The following NDUFAF6 variants were observed in gnomAD, a reference collection of about 807,000 sequenced individuals.
NDUFAF6 encodes NADH dehydrogenase (ubiquinone) complex I, assembly factor 6.
NDUFAF6 carries 45 observed loss-of-function variants against 40.8 expected under a neutral mutation model. That is an observed-to-expected ratio of 1.10 (90% CI 0.87 to 1.42). The LOEUF is 1.42. NDUFAF6 is among the 40% of genes most tolerant of loss of function. NDUFAF6 has a pLI of 0.00. For synonymous variants in NDUFAF6, 185 were observed against 155.9 expected (o/e 1.19, Z -1.39); for missense variants, 435 against 418.5 (o/e 1.04, Z -0.34).
chr8:94,941,018 A>G (rs1433351949), intron 1 of NDUFAF6: 3 of 1,084,678 alleles, frequency 2.8e-6, no homozygotes, highest in Admixed American at 1.9e-5. Context: ...AGTTGGCCCA[A>G]TGGTACCGAC....
At chr8:94,979,543 A>G (rs1586880910) in intron 1 of NDUFAF6, among the ~76,000 whole-genome samples, 1 of 152,178 alleles carries the variant, frequency 6.6e-6, no homozygotes, top group African/African-American at 2.4e-5. Context: ...AGTTTAGTCC[A>G]CATTCCTGAA....
chr8:95,045,987 ATAG>A (rs1485752414), intron 5 of NDUFAF6, among the ~76,000 whole-genome samples: 1 of 152,114 alleles, frequency 6.6e-6, no homozygotes, highest in Non-Finnish European at 1.5e-5. Flanking sequence ...TTTCGTGTTA[ATAG>A]TACTTATCCA....
intron 1 of NDUFAF6, chr8:94,927,577 TATAAATGC>T (rs1820004765): frequency 6.6e-6 from 1 of 152,160 alleles, no homozygotes; most frequent in Non-Finnish European, 1.5e-5. Context: ...CAATCAACCA[TATAAATGC>T]ATTGCCACAG....
upstream of NDUFAF6, among the ~76,000 whole-genome samples, chr8:94,953,521 G>C (rs1236741110): frequency 6.6e-6 from 1 of 152,220 alleles, no homozygotes; most frequent in Admixed American, 6.5e-5. Context: ...TCTTGGGGCG[G>C]TTGTCAGAGA....
In NDUFAF6 at chr8:95,025,044, G is replaced by A. The variant is rs988849191; in HGVS notation, c.36G>A (p.Pro12=). The A allele has an allele frequency of 4.2e-6, 6 of 1,416,842 alleles. No individual in the cohort carries two copies. In the African/African-American group the frequency reaches 7.5e-5, roughly 18 times the overall value. 87.8% of individuals were successfully genotyped at this position (1,416,842 alleles called of 1,614,324 possible). A position where few individuals can be genotyped will look rare whatever the true frequency, so the allele number is the denominator to read the frequency against. Residue 12 remains proline, a synonymous_variant, in exon 1 of 9, where the codon CCG becomes CCA. Coordinates refer to ENST00000396124, the MANE Select transcript of NDUFAF6 (RefSeq NM_152416.4). ...CCGCGCACGGCTCTGTCTGGGGGCC[G>A]TTGCGGCTTGGCATCCCCGGCCTGT... The part of the protein sequence containing the change: ...AASAHGSVWG[P]LRLGIPGLCC...
intron 2 of NDUFAF6, among the ~76,000 whole-genome samples, chr8:94,999,454 G>A (rs1354900086): frequency 6.6e-6 from 1 of 150,380 alleles, no homozygotes; most frequent in African/African-American, 2.5e-5. Flanking sequence ...GTCTTGCTCT[G>A]TTACCCAGGC....
At chr8:94,977,928 G>C (rs1825106870) in intron 1 of NDUFAF6, among the ~76,000 whole-genome samples, 1 of 152,124 alleles carries the variant, frequency 6.6e-6, no homozygotes, top group Non-Finnish European at 1.5e-5. Context: ...CCCAGTCCCT[G>C]GCACAGAGCT....
chr8:95,058,243 G>T lies in NDUFAF6; in HGVS notation c.*306G>T. 7.5e-7 allele frequency: 1 copy of T among 1,324,558 alleles called. No individual in the cohort carries two copies. Among genetic ancestry groups the T allele is most frequent in the Non-Finnish European group, 9.6e-7 (1 of 1,043,086 alleles). The allele number at this position is 1,324,558 out of a possible 1,614,324, so 82.1% of individuals were successfully genotyped here. On this transcript the variant is annotated 3_prime_UTR_variant, in exon 9 of 9. Transcript: ENST00000396124. ...TAGGCCATAAGCCACACTTGAGCCA[G>T]TGGGCAGGGAGAAGGAATGTCATTC... is the stretch of plus-strand genomic sequence containing the variant.
intron 1 of NDUFAF6, among the ~76,000 whole-genome samples, chr8:94,959,878 C>T (rs568552851): frequency 1.3e-5 from 2 of 152,248 alleles, no homozygotes; most frequent in South Asian, 4.2e-4. Flanking sequence ...TTTGGGTCCC[C>T]CCCAGTTTCG....
chr8:95,013,627 G>A (rs1312963214), intron 2 of NDUFAF6, among the ~76,000 whole-genome samples: 6 of 152,316 alleles, frequency 3.9e-5, no homozygotes, highest in East Asian at 1.9e-4. Flanking sequence ...TTTAAGTGCC[G>A]TGGGTATAAC....
At chr8:95,082,806 C>T (rs905878725) in intron 2 of NDUFAF6, among the ~76,000 whole-genome samples, 2 of 152,028 alleles carry the variant, frequency 1.3e-5, no homozygotes, top group African/African-American at 4.8e-5. Flanking sequence ...ACTACAGGCG[C>T]CCGCCACTAC....
At chr8:95,074,206 G>C (rs1004805074) in intron 9 of NDUFAF6, among the ~76,000 whole-genome samples, 5 of 151,448 alleles carry the variant, frequency 3.3e-5, no homozygotes, top group African/African-American at 1.2e-4. Context: ...CTATAATAAG[G>C]TTTTAAAAAG....
intron 1 of NDUFAF6, among the ~76,000 whole-genome samples, chr8:94,918,299 C>A (rs1027466773): frequency 6.6e-6 from 1 of 152,102 alleles, no homozygotes; most frequent in African/African-American, 2.4e-5. Flanking sequence ...AAGCAGAGAA[C>A]CCTGGCCTGC....
intron 1 of NDUFAF6, among the ~76,000 whole-genome samples, chr8:94,902,361 G>C (rs1214078046): frequency 6.6e-6 from 1 of 151,270 alleles, no homozygotes; most frequent in Non-Finnish European, 1.5e-5. Flanking sequence ...GGACATTGCA[G>C]TGAGCCCAGA....
chr8:95,048,314 G>A lies in NDUFAF6; in HGVS notation c.715-143G>A, dbSNP rs183644496. On this transcript the variant is annotated intron_variant, in intron 6 of 8. Transcript: ENST00000396124. ...CACATACATTTCTAAAGACAAAATA[G>A]GCATTAAACTGTACATACTGTTCTG... is the stretch of plus-strand genomic sequence containing the variant. The A allele has an allele frequency of 2.8e-3, 1,925 of 677,578 alleles. 63 individuals carry two copies. In the Admixed American group the frequency reaches 0.04, roughly 14 times the overall value. The allele number at this position is 677,578 out of a possible 1,614,324, so 42.0% of individuals were successfully genotyped here.
At position 95,035,461 on chromosome 8, in the gene NDUFAF6, ACT is replaced by A. The variant is rs863223931; in HGVS notation, c.307_308del (p.Val104LeufsTer2). 4 of 1,613,796 alleles carry A rather than the reference ACT, an allele frequency of 2.5e-6. No homozygotes were observed. The highest frequency in any genetic ancestry group is 3.4e-6 in the Non-Finnish European group (4 of 1,179,864). On this transcript the variant is annotated frameshift_variant, in exon 3 of 9. Coordinates refer to ENST00000396124, the MANE Select transcript of NDUFAF6 (RefSeq NM_152416.4). LOFTEE classifies it high-confidence loss of function. Reference sequence around the variant, plus strand: ...TTTAAACCCTGTTTATAGGTTAAAGACTCAGTCTCTGAGAAAACAATTGGACT... The same window carrying A: ...TTTAAACCCTGTTTATAGGTTAAAGACAGTCTCTGAGAAAACAATTGGACT...
chr8:94,955,938 A>G (rs2131449803), upstream of NDUFAF6, among the ~76,000 whole-genome samples: 1 of 152,346 alleles, frequency 6.6e-6, no homozygotes, highest in African/African-American at 2.4e-5. Context: ...GTGCAATAGA[A>G]ACCAATCAGT....
chr8:94,970,048 A>C lies in NDUFAF6; in HGVS notation c.-198-10811A>C, dbSNP rs183028697. ...GAGGCAGGCGGATCACGAGGTGAGG[A>C]GATCAGGACCATCCTGGCTAACATG... On this transcript the variant is annotated intron_variant, in intron 1 of 9. Transcript: ENST00000396111. Among the ~76,000 whole-genome samples, 184 of 152,240 alleles carry C rather than the reference A, an allele frequency of 1.2e-3. 1 individual carries two copies. The highest frequency in any genetic ancestry group is 4.3e-3 in the African/African-American group (177 of 41,534).
At chr8:95,094,700 C>T (rs1223084725) in intron 2 of NDUFAF6, among the ~76,000 whole-genome samples, 1 of 151,146 alleles carries the variant, frequency 6.6e-6, no homozygotes, top group Non-Finnish European at 1.5e-5. Context: ...CAGGCGTGGG[C>T]CTCTGCGTCT....
Sources: allele counts gnomAD v4.1 joint callset (sites outside exome capture counted in the v4.1 genomes callset), GRCh38; gene constraint gnomAD v4.1.1; transcripts MANE v1.5; gene names NCBI Gene and HGNC (gene_info 2026-07-23, HGNC 2026-07-21).